RUNX1: variants seen among roughly 807,000 people sequenced by gnomAD.
RUNX1 encodes RUNX family transcription factor 1.
Under a neutral mutation model 42.8 loss-of-function variants are expected in RUNX1, and 19 were observed. That is an observed-to-expected ratio of 0.44 (90% CI 0.31 to 0.65). The LOEUF is 0.65. Ranked by LOEUF, RUNX1 falls within the 30% of genes least tolerant of loss-of-function variation. The pLI, the probability that RUNX1 is intolerant of heterozygous loss-of-function variation, is 0.07. For missense variants in RUNX1, 528 were observed against 672.0 expected, an observed-to-expected ratio of 0.79 and a Z score of 2.37; for synonymous variants, 271 against 289.4, an observed-to-expected ratio of 0.94 and a Z score of 0.64.
At chr21:34,822,724 G>A (rs1348793149) in intron 7 of RUNX1, among the ~76,000 whole-genome samples, 2 of 152,206 alleles carry the variant, frequency 1.3e-5, no homozygotes. Context: ...TTGAGCTTGT[G>A]CTGACTTTTA....
At chr21:34,830,317 CT>C (rs2057045433) in intron 7 of RUNX1, among the ~76,000 whole-genome samples, 1 of 152,142 alleles carries the variant, frequency 6.6e-6, no homozygotes, top group Non-Finnish European at 1.5e-5. Flanking sequence ...CTCTTTCACT[CT>C]TATTTAGAGA....
chr21:34,887,133 A>G (rs375178346), intron 3 of RUNX1, 37 bp from the exon 4 acceptor site: 21 of 1,597,780 alleles, frequency 1.3e-5, no homozygotes, highest in Non-Finnish European at 1.3e-5. Flanking sequence ...CGATTGAGTT[A>G]GGACCCTGCA....
At chr21:34,920,406 A>G (rs2058345071) in intron 2 of RUNX1, among the ~76,000 whole-genome samples, 1 of 152,204 alleles carries the variant, frequency 6.6e-6, no homozygotes. Flanking sequence ...GGTACTACCT[A>G]CTGGGGGCAG....
At chr21:34,804,027 T>A (rs2056645154) in intron 7 of RUNX1, among the ~76,000 whole-genome samples, 1 of 152,224 alleles carries the variant, frequency 6.6e-6, no homozygotes, top group Non-Finnish European at 1.5e-5. Flanking sequence ...ATGACTTTTC[T>A]TAAGTCCAAT....
intron 2 of RUNX1, among the ~76,000 whole-genome samples, chr21:34,994,155 T>C (rs898247523): frequency 8.5e-5 from 13 of 152,130 alleles, no homozygotes; most frequent in African/African-American, 2.9e-4. Flanking sequence ...TTGACAACCA[T>C]TGGATCATTT....
chr21:34,842,492 C>CAAAAAA (rs371971118), intron 6 of RUNX1, among the ~76,000 whole-genome samples: 9 of 52,146 alleles, frequency 1.7e-4, no homozygotes, highest in East Asian at 1.2e-3. Context: ...GAGACCTCTC[C>CAAAAAA]AAAAAAAAAA....
rs1278351757 is a variant in RUNX1, at chr21:34,907,439, C to T, written c.59-14476G>A. 1.3e-5 allele frequency among the ~76,000 whole-genome samples: 2 copies of T among 152,042 alleles called. No homozygotes were observed. The highest frequency in any genetic ancestry group is 2.9e-5 in the Non-Finnish European group (2 of 68,038). ...GCTTCATCAGTAGTAAGGGTGAATA[C>T]TGCTTCCTGAAGCTCTTTTTTTGAT... On this transcript the variant is annotated intron_variant, in intron 2 of 8. Coordinates refer to ENST00000675419, the MANE Select transcript of RUNX1 (RefSeq NM_001754.5). The surrounding 1 kb of genome is among the most constrained non-coding windows in gnomAD (Gnocchi z 5.3).
chr21:34,863,112 G>T (rs181978345), intron 5 of RUNX1, among the ~76,000 whole-genome samples: 1 of 152,256 alleles, frequency 6.6e-6, no homozygotes, highest in East Asian at 1.9e-4. Context: ...TGATGAATAG[G>T]TAGCAAAGCT....
At chr21:34,981,689 A>C (rs7281953) in intron 2 of RUNX1, among the ~76,000 whole-genome samples, 53 of 152,356 alleles carry the variant, frequency 3.5e-4, no homozygotes, top group African/African-American at 1.2e-3. Flanking sequence ...TTTTCAAAGA[A>C]GATTTTACTT....
chr21:34,854,626 T>C (rs1215432107), intron 6 of RUNX1, among the ~76,000 whole-genome samples: 3 of 151,558 alleles, frequency 2.0e-5, no homozygotes, highest in African/African-American at 7.3e-5. Flanking sequence ...AAGCTGCACA[T>C]TTTACCTTAC....
At chr21:34,924,437 T>A (rs2058377682) in intron 2 of RUNX1, among the ~76,000 whole-genome samples, 2 of 152,178 alleles carry the variant, frequency 1.3e-5, no homozygotes, top group Admixed American at 6.5e-5. Flanking sequence ...GCTAGTGATA[T>A]CAGGGTAGAG....
intron 7 of RUNX1, among the ~76,000 whole-genome samples, chr21:34,820,646 A>G (rs2056895604): frequency 6.8e-6 from 1 of 148,112 alleles, no homozygotes; most frequent in Admixed American, 6.7e-5. Flanking sequence ...CACCGTCTCA[A>G]AAAAAAAAAA....
At chr21:35,021,063 T>C (rs575545779) in intron 2 of RUNX1, among the ~76,000 whole-genome samples, 6 of 152,292 alleles carry the variant, frequency 3.9e-5, no homozygotes, top group African/African-American at 1.4e-4. Context: ...AAATTCCATC[T>C]TGGCAGTGTC....
chr21:34,806,056 A>G (rs975275839), intron 7 of RUNX1, among the ~76,000 whole-genome samples: 4 of 152,040 alleles, frequency 2.6e-5, no homozygotes, highest in Non-Finnish European at 1.5e-5. Flanking sequence ...TATAAAAGGT[A>G]GAAAAAGAGG....
At chr21:34,825,338 C>T (rs537374145) in intron 7 of RUNX1, among the ~76,000 whole-genome samples, 4 of 152,120 alleles carry the variant, frequency 2.6e-5, no homozygotes, top group African/African-American at 9.7e-5. Context: ...GCACTGCTCC[C>T]GGGACACAGG....
intron 6 of RUNX1, among the ~76,000 whole-genome samples, chr21:34,842,492 C>CAAAAAAAA (rs371971118): frequency 5.7e-5 from 3 of 52,212 alleles, no homozygotes; most frequent in Non-Finnish European, 9.7e-5. Flanking sequence ...GAGACCTCTC[C>CAAAAAAAA]AAAAAAAAAA....
At chr21:35,028,115 G>GT (rs1307289298) in intron 2 of RUNX1, among the ~76,000 whole-genome samples, 6 of 152,200 alleles carry the variant, frequency 3.9e-5, no homozygotes, top group Non-Finnish European at 8.8e-5. Context: ...TAGGCCTGAA[G>GT]TTTCCTGAAG....
chr21:34,858,315 C>G (rs912950829), intron 6 of RUNX1, among the ~76,000 whole-genome samples: 2 of 152,186 alleles, frequency 1.3e-5, no homozygotes, highest in African/African-American at 4.8e-5. Flanking sequence ...GGAAGGTCAT[C>G]TAGAGGGGAC....
rs1428824366 is a variant in RUNX1, at chr21:34,907,987, C to A, written c.59-15024G>T. On this transcript the variant is annotated intron_variant, in intron 2 of 8. Transcript: ENST00000675419. The surrounding 1 kb of genome is among the most constrained non-coding windows in gnomAD (Gnocchi z 5.3). ...CCCGAAACAGTGGCTGATCTGGGAC[C>A]CCCTGACCTGTGAATTTGTGGTCCA... Among the ~76,000 whole-genome samples, 1 of 152,084 alleles carries A rather than the reference C, an allele frequency of 6.6e-6. No homozygotes were observed. Among genetic ancestry groups the A allele is most frequent in the African/African-American group, 2.4e-5 (1 of 41,396 alleles).
Sources: gnomAD v4.1 joint callset for allele counts (sites outside exome capture counted in the v4.1 genomes callset) on GRCh38, gnomAD v4.1.1 for gene constraint, Gnocchi (gnomAD v3.1) non-coding constraint, MANE v1.5 for transcripts, NCBI Gene and HGNC (gene_info 2026-07-23, HGNC 2026-07-21) for gene names.